The following TTC3 variants were observed in gnomAD, a reference collection of about 807,000 sequenced individuals.
TTC3 encodes the protein tetratricopeptide repeat domain 3, also known as E3 ubiquitin-protein ligase TTC3.
A neutral mutation model predicts 249.6 loss-of-function variants in TTC3; 180 were observed. That is an observed-to-expected ratio of 0.72 (90% CI 0.64 to 0.82). The LOEUF (loss-of-function observed/expected upper bound fraction) is 0.82, where lower values mean the gene tolerates loss of function less well. Ranked by LOEUF, TTC3 falls within the 40% of genes least tolerant of loss-of-function variation. TTC3 has a pLI of 0.00. For synonymous variants in TTC3, 717 were observed against 805.0 expected, an observed-to-expected ratio of 0.89 and a Z score of 1.85; for missense variants, 2,061 against 2,398.4, an observed-to-expected ratio of 0.86 and a Z score of 2.94.
At chr21:37,199,006 A>G (rs190080785) in intron 44 of TTC3, among the ~76,000 whole-genome samples, 133 of 152,234 alleles carry the variant, frequency 8.7e-4, no homozygotes, top group African/African-American at 2.9e-3. Context: ...GAGGCCTTCA[A>G]TGGCTCTTCC....
intron 28 of TTC3, chr21:37,159,440 C>A (rs2080463717): frequency 2.4e-6 from 1 of 418,686 alleles, no homozygotes; most frequent in Non-Finnish European, 4.2e-6. Flanking sequence ...TCTCTATTCC[C>A]AGGACTAGCA....
rs541992060 is a variant in TTC3, at chr21:37,118,030, G to A, written c.901-3787G>A. Among the ~76,000 whole-genome samples, 17 of 151,648 alleles carry A rather than the reference G, an allele frequency of 1.1e-4. No homozygotes were observed. In the East Asian group the frequency reaches 2.5e-3, roughly 22 times the overall value. On this transcript the variant is annotated intron_variant, in intron 11 of 45. Transcript: ENST00000355666. ...TGTTGCCTTGTATTGGTGATGTGTC[G>A]TATGATTGCAGAAATATTTGTATAG...
chr21:37,156,209 T>TTTGC (rs777568704), intron 27 of TTC3, among the ~76,000 whole-genome samples: 1 of 27,332 alleles, frequency 3.7e-5, no homozygotes, highest in African/African-American at 6.9e-4. Context: ...GCTAACTCTT[T>TTTGC]TTTTTTTTGT....
intron 37 of TTC3, among the ~76,000 whole-genome samples, chr21:37,186,512 G>A (rs1289309010): frequency 6.6e-6 from 1 of 152,124 alleles, no homozygotes; most frequent in Admixed American, 6.6e-5. Context: ...TGCAGTCATT[G>A]CTCACTGCAG....
intron 11 of TTC3, among the ~76,000 whole-genome samples, chr21:37,109,035 G>C (rs1282875119): frequency 6.6e-6 from 1 of 152,188 alleles, no homozygotes; most frequent in Non-Finnish European, 1.5e-5. Context: ...TCACAGAAGA[G>C]TAATCCTGAA....
intron 11 of TTC3, among the ~76,000 whole-genome samples, chr21:37,109,991 G>T (rs2075498182): frequency 6.6e-6 from 1 of 152,046 alleles, no homozygotes; most frequent in Non-Finnish European, 1.5e-5. Flanking sequence ...CAGACCTGCA[G>T]CTGAGGCTCC....
intron 10 of TTC3, among the ~76,000 whole-genome samples, chr21:37,099,956 G>T (rs1180090742): frequency 6.6e-6 from 1 of 152,172 alleles, no homozygotes; most frequent in Admixed American, 6.5e-5. Flanking sequence ...TAAAATGAAC[G>T]CAATGTTGAG....
At chr21:37,152,247 C>A (rs1230787973) in intron 26 of TTC3, among the ~76,000 whole-genome samples, 1 of 152,046 alleles carries the variant, frequency 6.6e-6, no homozygotes, top group Non-Finnish European at 1.5e-5. Context: ...CACTGAAAAA[C>A]CTTTCAGAGA....
intron 30 of TTC3, 107 bp from the exon 31 acceptor site, chr21:37,161,883 C>A: frequency 1.5e-6 from 1 of 678,376 alleles, no homozygotes. Flanking sequence ...TATATATCAG[C>A]AATTTGTATG....
intron 11 of TTC3, among the ~76,000 whole-genome samples, chr21:37,109,445 C>T (rs1012563217): frequency 1.2e-4 from 18 of 152,220 alleles, no homozygotes; most frequent in Non-Finnish European, 2.2e-4. Context: ...GTCCTACGCC[C>T]ATGGAGCCTC....
intron 27 of TTC3, 93 bp downstream of exon 27, chr21:37,153,370 T>G: frequency 8.5e-7 from 1 of 1,181,190 alleles, no homozygotes. Context: ...ATATAATTTA[T>G]AACTTTAAAT....
chr21:37,080,893 T>C (rs1191291611), intron 1 of TTC3, among the ~76,000 whole-genome samples: 2 of 152,134 alleles, frequency 1.3e-5, no homozygotes, highest in African/African-American at 4.8e-5. Flanking sequence ...AGACAACTTC[T>C]GTCTTTTAAT....
chr21:37,136,162 T>C (rs932326141), intron 18 of TTC3, among the ~76,000 whole-genome samples: 6 of 152,108 alleles, frequency 3.9e-5, no homozygotes, highest in African/African-American at 1.4e-4. Context: ...TCCTTAAGTC[T>C]CCCTGTTCCC....
chr21:37,125,987 C>T (rs142875755), intron 14 of TTC3, 93 bp from the exon 15 acceptor site: 16 of 1,218,626 alleles, frequency 1.3e-5, no homozygotes, highest in Non-Finnish European at 6.9e-6. Flanking sequence ...TGAATTCTAT[C>T]CTATTCTATT....
intron 26 of TTC3, among the ~76,000 whole-genome samples, chr21:37,152,450 G>A (rs369475103): frequency 2.1e-4 from 31 of 149,106 alleles, no homozygotes; most frequent in South Asian, 1.1e-3. Context: ...GCAGTGGCGC[G>A]ATCTCGGCTC....
chr21:37,161,515 G>A (rs189957615), intron 30 of TTC3, among the ~76,000 whole-genome samples: 2 of 151,916 alleles, frequency 1.3e-5, no homozygotes, highest in Admixed American at 1.3e-4. Flanking sequence ...GCGTTCAAGC[G>A]ATCTGCCTAC....
At chr21:37,081,864 A>AC (rs1012514060) in intron 1 of TTC3, 2 of 132,588 alleles carry the variant, frequency 1.5e-5, no homozygotes, top group African/African-American at 5.6e-5. Context: ...ATTTTTAATT[A>AC]CTTTTTTTTT....
intron 11 of TTC3, among the ~76,000 whole-genome samples, chr21:37,120,300 T>G (rs2076478258): frequency 6.6e-6 from 1 of 152,176 alleles, no homozygotes; most frequent in African/African-American, 2.4e-5. Context: ...TTGAAATAAC[T>G]TCAGTAGGGA....
At chr21:37,133,669 G>A (rs3992) in intron 17 of TTC3, among the ~76,000 whole-genome samples, 80,903 of 151,930 alleles carry the variant, frequency 0.53, 22,165 homozygotes, top group African/African-American at 0.64. Flanking sequence ...TGCTCTGCTG[G>A]AGCTTTCAGG....
Sources: gnomAD v4.1 joint callset for allele counts (sites outside exome capture counted in the v4.1 genomes callset) on GRCh38, gnomAD v4.1.1 for gene constraint, MANE v1.5 for transcripts, NCBI Gene and HGNC (gene_info 2026-07-23, HGNC 2026-07-21) for gene names.